Variants in CNTNAP5 observed in about 807,000 individuals in gnomAD.
CNTNAP5 encodes the protein contactin associated protein family member 5.
In CNTNAP5, 72 loss-of-function variants were observed where a neutral mutation model predicts 150.2. The observed-to-expected ratio is 0.48, with a 90% CI of 0.40 to 0.58. The LOEUF is 0.58. Among genes scored for constraint, CNTNAP5 ranks in the 20% least tolerant of loss-of-function variants. The probability of loss-of-function intolerance (pLI) is 0.00; values close to 1 mark genes in which losing one functional copy is unlikely to be tolerated. For synonymous variants in CNTNAP5, 672 were observed against 619.8 expected, an observed-to-expected ratio of 1.08 and a Z score of -1.25; for missense variants, 1,636 against 1,626.2, an observed-to-expected ratio of 1.01 and a Z score of -0.10.
chr2:124,877,030 G>T (rs1402062151), intron 21 of CNTNAP5, among the ~76,000 whole-genome samples: 2 of 150,792 alleles, frequency 1.3e-5, no homozygotes, highest in African/African-American at 5.0e-5. Context: ...TGGGATTTTT[G>T]TTATTTTTTT....
intron 12 of CNTNAP5, among the ~76,000 whole-genome samples, chr2:124,645,945 C>A (rs574657606): frequency 6.6e-6 from 1 of 152,080 alleles, no homozygotes; most frequent in African/African-American, 2.4e-5. Context: ...GCACTTTAAA[C>A]AACCAGATGT....
At chr2:124,550,839 A>G (rs1013968181) in intron 10 of CNTNAP5, among the ~76,000 whole-genome samples, 37 of 152,212 alleles carry the variant, frequency 2.4e-4, no homozygotes, top group African/African-American at 7.9e-4. Context: ...ATATTATTTT[A>G]TAGTTTGGTG....
rs1225101254 is a variant in CNTNAP5, at chr2:124,820,408, A to T, written c.3217+22088A>T. ...TTTGATCTGTGACCCAGAAGAAGGGACCTGCTCTCCCTCACCAGTTGCTTC... is the reference window on the plus strand; with the variant it reads ...TTTGATCTGTGACCCAGAAGAAGGGTCCTGCTCTCCCTCACCAGTTGCTTC... On this transcript the variant is annotated intron_variant, in intron 19 of 23. Transcript: ENST00000682447. 2.5e-3 allele frequency among the ~76,000 whole-genome samples: 379 copies of T among 152,016 alleles called. 1 individual carries two copies. Among genetic ancestry groups the T allele is most frequent in the African/African-American group, 8.6e-3 (357 of 41,420 alleles).
intron 11 of CNTNAP5, among the ~76,000 whole-genome samples, chr2:124,605,809 CAAAAAAAAAAAA>C (rs36090348): frequency 5.8e-5 from 2 of 34,432 alleles, no homozygotes; most frequent in Non-Finnish European, 1.0e-4. Context: ...AAGACTCTGT[CAAAAAAAAAAAA>C]AAAAAAAAAA....
chr2:124,137,395 T>C (rs1377414241), intron 1 of CNTNAP5, among the ~76,000 whole-genome samples: 1 of 152,194 alleles, frequency 6.6e-6, no homozygotes, highest in Non-Finnish European at 1.5e-5. Context: ...TCCTCAATTT[T>C]GTCTGGATCC....
At chr2:124,490,739 A>G (rs1694003098) in intron 7 of CNTNAP5, among the ~76,000 whole-genome samples, 1 of 152,112 alleles carries the variant, frequency 6.6e-6, no homozygotes, top group Non-Finnish European at 1.5e-5. Flanking sequence ...GACTTCATAT[A>G]AAAGTAAAAT....
At chr2:124,414,029 G>A (rs1051325516) in intron 3 of CNTNAP5, among the ~76,000 whole-genome samples, 4 of 151,610 alleles carry the variant, frequency 2.6e-5, no homozygotes, top group African/African-American at 9.7e-5. Flanking sequence ...ATGTCAAAGT[G>A]CCATATTTTG....
chr2:124,735,075 T>C (rs1356241777), intron 13 of CNTNAP5, among the ~76,000 whole-genome samples: 2 of 152,194 alleles, frequency 1.3e-5, no homozygotes, highest in African/African-American at 4.8e-5. Flanking sequence ...TCCATTTTAA[T>C]GTTGTTGACA....
At chr2:124,705,405 G>A (rs1259200340) in intron 13 of CNTNAP5, among the ~76,000 whole-genome samples, 3 of 152,108 alleles carry the variant, frequency 2.0e-5, no homozygotes, top group Non-Finnish European at 4.4e-5. Flanking sequence ...GCATGTGCCT[G>A]TAATCCCAGC....
chr2:124,330,592 T>C (rs1426566372), intron 3 of CNTNAP5, among the ~76,000 whole-genome samples: 1 of 152,122 alleles, frequency 6.6e-6, no homozygotes, highest in East Asian at 1.9e-4. Context: ...GTAAAAAAGG[T>C]GCCTTGCTTC....
rs374652356 is a variant in CNTNAP5, at chr2:124,342,077, C to T, written c.382-75366C>T. Among the ~76,000 whole-genome samples the T allele has an allele frequency of 4.1e-4, 63 of 151,972 alleles. No homozygotes were observed. In the South Asian group the frequency reaches 0.011, roughly 28 times the overall value. On this transcript the variant is annotated intron_variant, in intron 3 of 23. Transcript: ENST00000682447. ...CAAACACGATAAGCAGGGTTAGAAC[C>T]GAAAAATGGGTATATTATAGTTTTC... is the stretch of plus-strand genomic sequence containing the variant.
intron 19 of CNTNAP5, among the ~76,000 whole-genome samples, chr2:124,812,534 T>A (rs1354510420): frequency 6.6e-6 from 1 of 152,128 alleles, no homozygotes; most frequent in African/African-American, 2.4e-5. Flanking sequence ...ACCCAGACCT[T>A]AAATCTCATA....
At chr2:124,751,409 C>T (rs1680725349) in intron 14 of CNTNAP5, among the ~76,000 whole-genome samples, 1 of 152,148 alleles carries the variant, frequency 6.6e-6, no homozygotes, top group Admixed American at 6.5e-5. Flanking sequence ...TAACAGTGAG[C>T]TAGCTTTGTC....
intron 13 of CNTNAP5, among the ~76,000 whole-genome samples, chr2:124,650,128 T>G (rs1678288390): frequency 6.6e-6 from 1 of 152,072 alleles, no homozygotes; most frequent in Non-Finnish European, 1.5e-5. Flanking sequence ...TGCATGAGGG[T>G]CTTCATTAAT....
rs1398088904 is a variant in CNTNAP5 at position 124,563,254 on chromosome 2, T to C, written c.1687T>C (p.Ser563Pro). 1 of 1,594,288 alleles carries C rather than the reference T, an allele frequency of 6.3e-7. No individual in the cohort carries two copies. The highest frequency in any genetic ancestry group is 8.5e-7 in the Non-Finnish European group (1 of 1,169,640). The change falls in exon 11 of 24, where the codon TCC becomes CCC. Residue 563 changes from serine to proline, a missense_variant. Physicochemically the swap from Ser to Pro is moderately conservative, Grantham distance 74. Coordinates refer to ENST00000682447, the MANE Select transcript of CNTNAP5 (RefSeq NM_001367498.1). ...CTACTGTGAACATGGAGGAAGCTGC[T>C]CCCAGTCCTGGACTACCTTCTATTG... ...PNYCEHGGSC[S>P]QSWTTFYCNC...
intron 5 of CNTNAP5, among the ~76,000 whole-genome samples, chr2:124,445,957 G>T (rs998805622): frequency 2.0e-5 from 3 of 152,050 alleles, no homozygotes; most frequent in Non-Finnish European, 4.4e-5. Context: ...AGAGAAGGAG[G>T]CGGAGGGGGA....
intron 5 of CNTNAP5, among the ~76,000 whole-genome samples, 194 bp downstream of exon 5, chr2:124,434,881 T>G (rs1272449280): frequency 6.6e-6 from 1 of 152,128 alleles, no homozygotes; most frequent in Non-Finnish European, 1.5e-5. Context: ...GTAGGGAGAG[T>G]TGCAAACTCA....
chr2:124,434,027 T>C (rs1462154833), intron 4 of CNTNAP5, among the ~76,000 whole-genome samples: 1 of 152,202 alleles, frequency 6.6e-6, no homozygotes, highest in African/African-American at 2.4e-5. Flanking sequence ...CACAGACTTC[T>C]AGGGAGACAG....
chr2:124,661,648 T>G (rs1430238614), intron 13 of CNTNAP5, among the ~76,000 whole-genome samples: 2 of 152,022 alleles, frequency 1.3e-5, no homozygotes, highest in Non-Finnish European at 2.9e-5. Flanking sequence ...AGGAACATAG[T>G]CATTTATTAT....
Sources: gnomAD v4.1 joint callset for allele counts (sites outside exome capture counted in the v4.1 genomes callset) on GRCh38, gnomAD v4.1.1 for gene constraint, MANE v1.5 for transcripts, NCBI Gene and HGNC (gene_info 2026-07-23, HGNC 2026-07-21) for gene names.